Variants in RNF213 observed in about 807,000 individuals in gnomAD.
The protein encoded by RNF213 is ring finger protein 213, also known as E3 ubiquitin-protein ligase RNF213.
In RNF213, 341 loss-of-function variants were observed where a neutral mutation model predicts 514.4. That is an observed-to-expected ratio of 0.66 (90% CI 0.61 to 0.73). The LOEUF is 0.73. RNF213 is among the 30% of genes least tolerant of loss of function. The pLI, the probability that RNF213 is intolerant of heterozygous loss-of-function variation, is 0.00. For synonymous variants in RNF213, 2,655 were observed against 2,658.2 expected (o/e 1.00, Z 0.04); for missense variants, 5,767 against 6,615.6 (o/e 0.87, Z 4.45).
rs5822350 is a variant in RNF213 at position 80,377,437 on chromosome 17, CAAA to C, written c.13511-314_13511-312del. Among the ~76,000 whole-genome samples the C allele has an allele frequency of 1.3e-4, 18 of 143,304 alleles. No homozygotes were observed. The highest frequency in any genetic ancestry group is 8.1e-4 in the East Asian group (4 of 4,918). The allele number at this position is 143,304 out of a possible 152,430, so 94.0% of individuals were successfully genotyped here. ...AAGTTGTTATAAAATATGCTCATGA[CAAA>C]AAAAAAAAAATCAAGGAAAATAGAA... On this transcript the variant is annotated intron_variant, in intron 53 of 67. Transcript: ENST00000582970. The surrounding 1 kb of genome is among the most constrained non-coding windows in gnomAD (Gnocchi z 4.1).
chr17:80,377,654 T>C lies in RNF213; in HGVS notation c.13511-108T>C, dbSNP rs2079814800. 7.5e-6 allele frequency: 9 copies of C among 1,194,230 alleles called. No homozygotes were observed. The highest frequency in any genetic ancestry group is 1.1e-5 in the Non-Finnish European group (9 of 796,712). The allele number at this position is 1,194,230 out of a possible 1,614,324, so 74.0% of individuals were successfully genotyped here. A position where few individuals can be genotyped will look rare whatever the true frequency, so the allele number is the denominator to read the frequency against. On this transcript the variant is annotated intron_variant, in intron 53 of 67. Transcript: ENST00000582970. This position sits in a 1 kb window ranked among gnomAD's most constrained non-coding sequence, Gnocchi z 4.1. ...TAGCGTGGGATGCTCTGGACAGTCA[T>C]TCTCATATTGTGGTCAGGGCCAGAG...
chr17:80,316,259 A>G (rs1455403395), intron 15 of RNF213: 1 of 151,782 alleles, frequency 6.6e-6, no homozygotes, highest in African/African-American at 2.4e-5. Flanking sequence ...CTCTTAAAAT[A>G]TTTTTTTTAC....
At position 80,332,582 on chromosome 17, in the gene RNF213, G is replaced by T; in HGVS notation, c.4094G>T (p.Ser1365Ile). 2 of 1,528,986 alleles carry T rather than the reference G, an allele frequency of 1.3e-6. No individual in the cohort carries two copies. The highest frequency in any genetic ancestry group is 1.4e-5 in the African/African-American group (1 of 72,754). The allele number at this position is 1,528,986 out of a possible 1,614,324, so 94.7% of individuals were successfully genotyped here. A position where few individuals can be genotyped will look rare whatever the true frequency, so the allele number is the denominator to read the frequency against. ...AAGGTCATCTTGCAGGTCAAAGAGA[G>T]CCTGGGACTGAACGGTGACTTCAGT... ...AAKVILQVKE[S>I]LGLNGDFSVL... The change falls in exon 21 of 68, where the codon AGC becomes ATC. Residue 1365 changes from serine to isoleucine, a missense_variant. This residue lies in a region of RNF213 where 516 missense variants were observed against 566.5 expected (regional missense o/e 0.91). Transcript: ENST00000582970.
intron 2 of RNF213, among the ~76,000 whole-genome samples, chr17:80,269,341 C>G (rs2043721670): frequency 6.6e-6 from 1 of 152,158 alleles, no homozygotes; most frequent in Non-Finnish European, 1.5e-5. Flanking sequence ...CACCGTCTAT[C>G]CATCCCTCTA....
chr17:80,273,707 C>T (rs2043914813), intron 3 of RNF213, among the ~76,000 whole-genome samples: 1 of 151,104 alleles, frequency 6.6e-6, no homozygotes, highest in South Asian at 2.1e-4. Flanking sequence ...GCAGCCTCCA[C>T]CTCCTGGTTT....
chr17:80,381,599 A>G lies in RNF213; in HGVS notation c.13850A>G (p.Gln4617Arg), dbSNP rs769659288. The change falls in exon 57 of 68, where the codon CAG becomes CGG. Residue 4617 changes from glutamine to arginine, a missense_variant. This residue lies in a region of RNF213 where 1,245 missense variants were observed against 1,339.0 expected (regional missense o/e 0.93). Coordinates refer to ENST00000582970, the MANE Select transcript of RNF213 (RefSeq NM_001256071.3). ...GTGAGGGATCCAAAAGGCTTTCTGC[A>G]GCAGCACATCCTGAAGGACCTGGAG... is the stretch of plus-strand genomic sequence containing the variant. ...PPVRDPKGFL[Q>R]QHILKDLEQL... 1.6e-5 allele frequency: 26 copies of G among 1,614,116 alleles called. No homozygotes were observed. Among genetic ancestry groups the G allele is most frequent in the Non-Finnish European group, 8.5e-6 (10 of 1,180,050 alleles).
Position 80,336,860 on chromosome 17 carries a change from C to T in RNF213, c.4527+482C>T. The stretch of plus-strand genomic sequence containing the variant: ...AGATAGCAGTGAACTGAGATCACAC[C>T]ACTGTACTCCAGCCTGAGTGACAAA... On this transcript the variant is annotated intron_variant, in intron 23 of 67. Coordinates refer to ENST00000582970, the MANE Select transcript of RNF213 (RefSeq NM_001256071.3). 4 of 270,122 alleles carry T rather than the reference C, an allele frequency of 1.5e-5. 1 individual carries two copies. Among genetic ancestry groups the T allele is most frequent in the South Asian group, 1.4e-4 (4 of 27,874 alleles). The allele number at this position is 270,122 out of a possible 1,614,324, so 16.7% of individuals were successfully genotyped here.
Position 80,393,843 on chromosome 17 carries a change from G to A in RNF213, c.*345G>A, listed in dbSNP as rs898548941. ...ACACACGCAGTAATGACCTGTGCCC[G>A]TTCGCCTCTGGCACTGCCCACCCCT... On this transcript the variant is annotated 3_prime_UTR_variant, in exon 68 of 68. Coordinates refer to ENST00000582970, the MANE Select transcript of RNF213 (RefSeq NM_001256071.3). The A allele has an allele frequency of 6.2e-5, 17 of 273,360 alleles. No individual in the cohort carries two copies. Among genetic ancestry groups the A allele is most frequent in the Non-Finnish European group, 1.1e-4 (15 of 139,678 alleles). The allele number at this position is 273,360 out of a possible 1,614,324, so 16.9% of individuals were successfully genotyped here. A position where few individuals can be genotyped will look rare whatever the true frequency, so the allele number is the denominator to read the frequency against.
rs2045393044 is a variant in RNF213 at position 80,307,221 on chromosome 17, C to T, written c.2501+20C>T. 1 of 1,612,154 alleles carries T rather than the reference C, an allele frequency of 6.2e-7. No homozygotes were observed. Among genetic ancestry groups the T allele is most frequent in the Admixed American group, 1.7e-5 (1 of 59,974 alleles). ...GGACAAGTAAGTGGAAAGCACGATG[C>T]AGTCTCTCCCTCACATGCGGCCCCC... On this transcript the variant is annotated intron_variant, in intron 13 of 67. Coordinates refer to ENST00000582970, the MANE Select transcript of RNF213 (RefSeq NM_001256071.3).
At position 80,353,992 on chromosome 17, in the gene RNF213, G is replaced by A. The variant is rs745722686; in HGVS notation, c.10579-27G>A. 20 of 1,613,252 alleles carry A rather than the reference G, an allele frequency of 1.2e-5. 1 individual carries two copies. Among genetic ancestry groups the A allele is most frequent in the South Asian group, 6.6e-5 (6 of 91,042 alleles). ...TGCCCACTGTGTCAGTGGCAGAAAC[G>A]GATGACCCAACCGTCTCCACCAACA... is the stretch of plus-strand genomic sequence containing the variant. On this transcript the variant is annotated intron_variant, in intron 34 of 67. Coordinates refer to ENST00000582970, the MANE Select transcript of RNF213 (RefSeq NM_001256071.3). The surrounding 1 kb of genome is among the most constrained non-coding windows in gnomAD (Gnocchi z 5.0).
At position 80,290,591 on chromosome 17, in the gene RNF213, A is replaced by G; in HGVS notation, c.1134A>G (p.Gly378=). ...CCAGCACGCTGAGCCCGGGTGGAGGAGTCACCGTGTTCTTCCACGCCATCA... is the reference window on the plus strand; with the variant it reads ...CCAGCACGCTGAGCCCGGGTGGAGGGGTCACCGTGTTCTTCCACGCCATCA... ...VKASTLSPGG[G]VTVFFHAIIS... The change falls in exon 7 of 68, where the codon GGA becomes GGG. Residue 378 remains glycine (G), a synonymous_variant. Transcript: ENST00000582970. 5 of 1,614,058 alleles carry G rather than the reference A, an allele frequency of 3.1e-6. No homozygotes were observed. The highest frequency in any genetic ancestry group is 4.2e-6 in the Non-Finnish European group (5 of 1,180,028).
At chr17:80,339,053 ATG>A in intron 25 of RNF213, 146 bp from the exon 26 acceptor site, 1 of 571,778 alleles carries the variant, frequency 1.7e-6, no homozygotes, top group South Asian at 2.8e-5. Context: ...GGTTGTGTAG[ATG>A]AGGAGGGAGG....
Position 80,385,098 on chromosome 17 carries a change from A to G in RNF213, c.14382A>G (p.Leu4794=). The part of the protein sequence containing the change: ...LPEILALQRD[L]VKQFQNVQQV... ...AGATTTTGGCCTTGCAAAGGGATCTAGTGAAGCAGTTCCAGAACGTCCAGC... is the reference window on the plus strand; with the variant it reads ...AGATTTTGGCCTTGCAAAGGGATCTGGTGAAGCAGTTCCAGAACGTCCAGC... The change falls in exon 60 of 68, where the codon CTA becomes CTG. Residue 4794 remains leucine (L), a synonymous_variant. Transcript: ENST00000582970. 6.2e-7 allele frequency: 1 copy of G among 1,614,134 alleles called. No individual in the cohort carries two copies.
intron 2 of RNF213, among the ~76,000 whole-genome samples, chr17:80,269,143 T>C (rs1285651455): frequency 6.6e-6 from 1 of 152,190 alleles, no homozygotes; most frequent in Non-Finnish European, 1.5e-5. Flanking sequence ...CCTGCTTTGT[T>C]CTAGCCACGC....
chr17:80,298,368 G>T lies in RNF213; in HGVS notation c.2060G>T (p.Arg687Met). 6.2e-7 allele frequency: 1 copy of T among 1,614,158 alleles called. No individual in the cohort carries two copies. The highest frequency in any genetic ancestry group is 8.5e-7 in the Non-Finnish European group (1 of 1,180,044). The change falls in exon 11 of 68, where the codon AGG (arginine) becomes ATG (methionine). Residue 687 changes from arginine (R) to methionine (M), a missense_variant. Around this residue, in one of 13 missense-constraint regions of RNF213, gnomAD observed 592 missense variants for 673.9 expected, o/e 0.88. Coordinates refer to ENST00000582970, the MANE Select transcript of RNF213 (RefSeq NM_001256071.3). ...VNLCQRCMDTRTYTWLGALPV... is the reference protein window; with the variant it reads ...VNLCQRCMDTMTYTWLGALPV... ...CTGTGCCAAAGATGCATGGACACAA[G>T]GACGTACACCTGGCTGGGCGCCCTG...
Position 80,353,758 on chromosome 17 carries a change from T to C in RNF213, c.10578+92T>C. On this transcript the variant is annotated intron_variant, in intron 34 of 67. Transcript: ENST00000582970. The surrounding 1 kb of genome is among the most constrained non-coding windows in gnomAD (Gnocchi z 5.0). ...GCTTTTGCATTGGGAGCTAGAGGAG[T>C]CGCCGCCGCTGTGCAGGGGTGAGGA... 6.5e-7 allele frequency: 1 copy of C among 1,541,936 alleles called. No individual in the cohort carries two copies. Among genetic ancestry groups the C allele is most frequent in the African/African-American group, 1.4e-5 (1 of 73,436 alleles).
intron 49 of RNF213, among the ~76,000 whole-genome samples, chr17:80,374,055 C>T (rs2079638748): frequency 6.6e-6 from 1 of 151,550 alleles, no homozygotes; most frequent in South Asian, 2.1e-4. Context: ...TGGTCCTTTC[C>T]AGATACCCAG....
At chr17:80,342,148 GT>G (rs1253039154) in intron 26 of RNF213, 1 of 152,336 alleles carries the variant, frequency 6.6e-6, no homozygotes, top group African/African-American at 2.4e-5. Context: ...GCTCCCCACT[GT>G]ATGTAGGATG....
At chr17:80,276,167 C>T (rs1391738623) in intron 3 of RNF213, among the ~76,000 whole-genome samples, 1 of 151,630 alleles carries the variant, frequency 6.6e-6, no homozygotes, top group African/African-American at 2.4e-5. Context: ...ATGGCGTGAC[C>T]TTGGCTCACA....
Sources: allele counts gnomAD v4.1 joint callset (sites outside exome capture counted in the v4.1 genomes callset), GRCh38; gene constraint gnomAD v4.1.1; regional missense constraint gnomAD v4.1.1; non-coding constraint Gnocchi (gnomAD v3.1); transcripts MANE v1.5; gene names NCBI Gene and HGNC (gene_info 2026-07-23, HGNC 2026-07-21).